DNAH5: variants seen among roughly 807,000 people sequenced by gnomAD.
The protein encoded by DNAH5 is dynein axonemal heavy chain 5.
DNAH5 carries 372 observed loss-of-function variants against 518.2 expected under a neutral mutation model. The observed-to-expected ratio is 0.72, with a 90% confidence interval of 0.66 to 0.78. The LOEUF (loss-of-function observed/expected upper bound fraction) is 0.78. DNAH5 is among the 30% of genes least tolerant of loss of function. The pLI is 0.00. For missense variants in DNAH5, 5,523 were observed against 5,687.0 expected (o/e 0.97, Z 0.93); for synonymous variants, 2,039 against 2,025.9 (o/e 1.01, Z -0.17).
chr5:13,800,524 T>G (rs1758584786), intron 47 of DNAH5, among the ~76,000 whole-genome samples: 1 of 152,118 alleles, frequency 6.6e-6, no homozygotes, highest in African/African-American at 2.4e-5. Context: ...TCAACACCCT[T>G]TCTAAAGTAT....
chr5:13,874,477 T>A (rs1457600862), intron 22 of DNAH5, among the ~76,000 whole-genome samples: 2 of 152,196 alleles, frequency 1.3e-5, no homozygotes, highest in Non-Finnish European at 2.9e-5. Flanking sequence ...GTTCTGATTA[T>A]GTAACCAAGG....
rs139317626 is a variant in DNAH5 at position 13,758,888 on chromosome 5, G to A, written c.10377C>T (p.Asp3459=). 72 of 1,614,010 alleles carry A rather than the reference G, an allele frequency of 4.5e-5. No homozygotes were observed. The Middle Eastern group carries it at 4.9e-4, about 11-fold the overall frequency. ...AELDDKQAEL[D]VVQAEYEQAM... Reference sequence around the variant, plus strand: ...CCTGTTCATACTCAGCCTGCACCACGTCAAGTTCCGCCTGCTTGTCATCCA... The same window carrying A: ...CCTGTTCATACTCAGCCTGCACCACATCAAGTTCCGCCTGCTTGTCATCCA... Residue 3459 remains aspartate (D), a synonymous_variant, in exon 61 of 79, where the codon GAC becomes GAT. Transcript: ENST00000265104.
chr5:13,946,760 C>G (rs1326044102), upstream of DNAH5, among the ~76,000 whole-genome samples: 1 of 152,154 alleles, frequency 6.6e-6, no homozygotes, highest in African/African-American at 2.4e-5. Flanking sequence ...GACAATGGAC[C>G]TCATGTGGGC....
At chr5:13,796,386 A>G (rs1365433697) in intron 47 of DNAH5, among the ~76,000 whole-genome samples, 1 of 152,212 alleles carries the variant, frequency 6.6e-6, no homozygotes, top group Admixed American at 6.5e-5. Context: ...GAAAATCACA[A>G]GCATTCCTAT....
intron 28 of DNAH5, among the ~76,000 whole-genome samples, chr5:13,863,057 C>T (rs1311783328): frequency 3.3e-5 from 5 of 152,050 alleles, no homozygotes; most frequent in Admixed American, 6.5e-5. Flanking sequence ...AATTTTGAAA[C>T]TTTAATCACT....
rs952142607 is a variant in DNAH5 at position 13,691,147 on chromosome 5, T to C, written c.*837A>G. The C allele has an allele frequency of 3.3e-5, 5 of 152,218 alleles. No individual in the cohort carries two copies. The highest frequency in any genetic ancestry group is 1.2e-4 in the African/African-American group (5 of 41,466). The allele number at this position is 152,218 out of a possible 1,614,324, so 9.4% of individuals were successfully genotyped here. ...TGATTTTTCCATTTTTTTCTGTTAT[T>C]AAATGCAATTTTATATAGACTGTTT... is the stretch of plus-strand genomic sequence containing the variant. On this transcript the variant is annotated 3_prime_UTR_variant, in exon 79 of 79. Transcript: ENST00000265104.
chr5:13,691,642 A>G lies in DNAH5; in HGVS notation c.*342T>C, dbSNP rs1381960652. On this transcript the variant is annotated 3_prime_UTR_variant, in exon 79 of 79. Coordinates refer to ENST00000265104, the MANE Select transcript of DNAH5 (RefSeq NM_001369.3). Reference sequence around the variant, plus strand: ...GTTACCAGGCCACGTTAACAGAAGAATAATTCCTCCCAGAGAAATACTGTC... The same window carrying G: ...GTTACCAGGCCACGTTAACAGAAGAGTAATTCCTCCCAGAGAAATACTGTC... 7.3e-6 allele frequency: 2 copies of G among 273,982 alleles called. No individual in the cohort carries two copies. Among genetic ancestry groups the G allele is most frequent in the African/African-American group, 2.2e-5 (1 of 44,824 alleles). The allele number at this position is 273,982 out of a possible 1,614,324, so 17.0% of individuals were successfully genotyped here.
At position 13,913,781 on chromosome 5, in the gene DNAH5, T is replaced by C. The variant is rs1776317419; in HGVS notation, c.1498A>G (p.Thr500Ala). Residue 500 changes from threonine (T) to alanine (A), a missense_variant, in exon 11 of 79, where the codon ACA (threonine) becomes GCA (alanine). Thr to Ala is a moderately conservative substitution (Grantham distance 58). Around this residue, in one of 3 missense-constraint regions of DNAH5, gnomAD observed 5,121 missense variants for 5,223.3 expected, o/e 0.98. Coordinates refer to ENST00000265104, the MANE Select transcript of DNAH5 (RefSeq NM_001369.3). ...GCCATGTCTTCCAGCCCTTCAATTG[T>C]GGAATCTTGCAGGACTGAATACGTC... ...LKTYSVLQDS[T>A]IEGLEDMATK... The C allele has an allele frequency of 1.2e-6, 2 of 1,613,482 alleles. No individual in the cohort carries two copies. The highest frequency in any genetic ancestry group is 1.6e-4 in the Middle Eastern group (1 of 6,082).
chr5:13,914,654 C>T lies in DNAH5; in HGVS notation c.1198-12G>A. On this transcript the variant is annotated splice_polypyrimidine_tract_variant and intron_variant, in intron 9 of 78. Transcript: ENST00000265104. ...ATCTGATTTGTCACCTGGGATTTTC[C>T]AATAAAATGATGTTAAGCACATAAA... The T allele has an allele frequency of 1.2e-6, 2 of 1,612,080 alleles. No homozygotes were observed. Among genetic ancestry groups the T allele is most frequent in the African/African-American group, 1.3e-5 (1 of 74,954 alleles).
intron 56 of DNAH5, 28 bp from the exon 57 acceptor site, chr5:13,769,643 G>A: frequency 6.4e-7 from 1 of 1,567,436 alleles, no homozygotes; most frequent in South Asian, 1.1e-5. Flanking sequence ...AGCAAGCAAT[G>A]TTAAAATGTG....
chr5:13,917,088 A>G, intron 8 of DNAH5, 55 bp downstream of exon 8: 1 of 1,313,208 alleles, frequency 7.6e-7, no homozygotes. Flanking sequence ...TATTCAATTC[A>G]GCTAGTGCAA....
chr5:13,875,775 G>T (rs1770805983), intron 22 of DNAH5, among the ~76,000 whole-genome samples: 1 of 152,070 alleles, frequency 6.6e-6, no homozygotes, highest in South Asian at 2.1e-4. Context: ...TTAAATACAG[G>T]ACCTTCAATA....
chr5:13,871,811 G>T, intron 22 of DNAH5, 46 bp from the exon 23 acceptor site: 2 of 1,529,400 alleles, frequency 1.3e-6, no homozygotes, highest in Non-Finnish European at 1.8e-6. Flanking sequence ...GAATCTGAAA[G>T]GCACAATGAT....
At chr5:13,903,322 A>G (rs1414066704) in intron 12 of DNAH5, among the ~76,000 whole-genome samples, 1 of 152,122 alleles carries the variant, frequency 6.6e-6, no homozygotes, top group African/African-American at 2.4e-5. Context: ...AAAAATACAA[A>G]AAAAGATGTT....
In DNAH5 at chr5:13,992,551, T is replaced by C. The variant is rs754201566; in HGVS notation, c.12+19097A>G. 2.6e-5 allele frequency among the ~76,000 whole-genome samples: 4 copies of C among 152,254 alleles called. No individual in the cohort carries two copies. The South Asian group carries it at 6.2e-4, about 24-fold the overall frequency. On this transcript the variant is annotated intron_variant, in intron 1 of 78. Transcript: ENST00000681290. ...TGCTAGGCCCTGTTTTATTTCACTTTGGTGCCAGTGGCCTAAAAACCTGAC... is the reference window on the plus strand; with the variant it reads ...TGCTAGGCCCTGTTTTATTTCACTTCGGTGCCAGTGGCCTAAAAACCTGAC...
intron 3 of DNAH5, among the ~76,000 whole-genome samples, chr5:13,925,769 C>T (rs559107901): frequency 3.9e-5 from 6 of 152,166 alleles, no homozygotes; most frequent in East Asian, 1.9e-4. Context: ...ATTTGGGTGG[C>T]GACACAGAGC....
At chr5:13,829,273 T>G (rs1413626625) in intron 38 of DNAH5, among the ~76,000 whole-genome samples, 1 of 152,214 alleles carries the variant, frequency 6.6e-6, no homozygotes, top group East Asian at 1.9e-4. Flanking sequence ...TCTTTGGCTC[T>G]TAAACCAGTG....
At chr5:13,821,918 A>G (rs7712490) in intron 40 of DNAH5, among the ~76,000 whole-genome samples, 62,663 of 151,582 alleles carry the variant, frequency 0.41, 13,263 homozygotes, top group East Asian at 0.61. Context: ...CCTCAGCTGC[A>G]TGAGTAGTTG....
At chr5:13,789,639 G>A (rs1756635839) in intron 50 of DNAH5, among the ~76,000 whole-genome samples, 1 of 152,180 alleles carries the variant, frequency 6.6e-6, no homozygotes, top group Non-Finnish European at 1.5e-5. Flanking sequence ...AATATAAAAG[G>A]AGTTGAATGA....
Sources: allele counts gnomAD v4.1 joint callset (sites outside exome capture counted in the v4.1 genomes callset), GRCh38; gene constraint gnomAD v4.1.1; regional missense constraint gnomAD v4.1.1; transcripts MANE v1.5; gene names NCBI Gene and HGNC (gene_info 2026-07-23, HGNC 2026-07-21).